The following FGF12 variants were observed in gnomAD, a reference collection of about 807,000 sequenced individuals.
FGF12 encodes fibroblast growth factor 12.
FGF12 carries 14 observed loss-of-function variants against 23.6 expected under a neutral mutation model. The ratio of observed to expected loss-of-function variants is 0.59; its 90% CI spans 0.39 to 0.93. The LOEUF (loss-of-function observed/expected upper bound fraction) is 0.93, where lower values mean the gene tolerates loss of function less well. Among genes scored for constraint, FGF12 ranks in the 40% least tolerant of loss-of-function variants. FGF12 has a pLI of 0.00. For synonymous variants in FGF12, 62 were observed against 77.3 expected (o/e 0.80, Z 1.04); for missense variants, 175 against 217.8 (o/e 0.80, Z 1.24).
intron 2 of FGF12, among the ~76,000 whole-genome samples, chr3:192,446,893 G>A (rs976035450): frequency 2.0e-5 from 3 of 152,016 alleles, no homozygotes; most frequent in Non-Finnish European, 2.9e-5. Context: ...CTAATCCTTC[G>A]TTCTCACTCC....
At chr3:192,529,605 C>T (rs1397179888) in intron 2 of FGF12, among the ~76,000 whole-genome samples, 1 of 152,092 alleles carries the variant, frequency 6.6e-6, no homozygotes, top group Non-Finnish European at 1.5e-5. Context: ...TTTTATGCTG[C>T]TGATAAAGAC....
chr3:192,540,281 TA>T (rs1258782801), intron 2 of FGF12, among the ~76,000 whole-genome samples: 1 of 152,124 alleles, frequency 6.6e-6, no homozygotes, highest in East Asian at 1.9e-4. Context: ...ATTATAGCTA[TA>T]AGCTTTTCTC....
chr3:192,511,415 C>T (rs972016238), intron 2 of FGF12, among the ~76,000 whole-genome samples: 2 of 152,144 alleles, frequency 1.3e-5, no homozygotes, highest in Admixed American at 1.3e-4. Flanking sequence ...GATGAGGAAC[C>T]TGCAATTTTA....
chr3:192,673,510 C>T (rs948377213), intron 2 of FGF12, among the ~76,000 whole-genome samples: 1 of 150,816 alleles, frequency 6.6e-6, no homozygotes, highest in Non-Finnish European at 1.5e-5. Flanking sequence ...GCCCCCCATG[C>T]ATTAGCCATT....
intron 4 of FGF12, among the ~76,000 whole-genome samples, chr3:192,255,318 G>A (rs1229149723): frequency 2.0e-5 from 3 of 151,920 alleles, no homozygotes; most frequent in East Asian, 3.9e-4. Context: ...CATTACAATC[G>A]TTCTAACAAA....
At position 192,702,268 on chromosome 3, in the gene FGF12, A is replaced by G. The variant is rs1381769254; in HGVS notation, c.13+24913T>C. Among the ~76,000 whole-genome samples the G allele has an allele frequency of 2.0e-5, 3 of 152,240 alleles. No homozygotes were observed. In the East Asian group the frequency reaches 5.8e-4, roughly 29 times the overall value. On this transcript the variant is annotated intron_variant, in intron 2 of 5. Coordinates refer to ENST00000445105, the MANE Select transcript of FGF12 (RefSeq NM_004113.6). Reference sequence around the variant, plus strand: ...AGTTTCTTCATCCATTTACCTTTCTATGGACACTTAGGTTGTTTCCATATC... The same window carrying G: ...AGTTTCTTCATCCATTTACCTTTCTGTGGACACTTAGGTTGTTTCCATATC...
intron 4 of FGF12, among the ~76,000 whole-genome samples, chr3:192,232,693 CCCT>C (rs1182401036): frequency 6.6e-6 from 1 of 151,994 alleles, no homozygotes. Context: ...TTGACTCTCG[CCCT>C]CCTCCTACCC....
intron 2 of FGF12, among the ~76,000 whole-genome samples, chr3:192,601,472 G>C (rs571429958): frequency 6.6e-6 from 1 of 152,198 alleles, no homozygotes; most frequent in East Asian, 1.9e-4. Context: ...ATAAATGTTT[G>C]AGATAATGGA....
intron 4 of FGF12, among the ~76,000 whole-genome samples, chr3:192,189,152 C>T (rs1716647475): frequency 6.6e-6 from 1 of 152,206 alleles, no homozygotes; most frequent in African/African-American, 2.4e-5. Context: ...TTCATGGTAT[C>T]TCCAGTCCTG....
chr3:192,456,598 C>T (rs530419169), intron 2 of FGF12, among the ~76,000 whole-genome samples: 5 of 152,030 alleles, frequency 3.3e-5, no homozygotes, highest in Admixed American at 6.6e-5. Flanking sequence ...ACTCCTAATA[C>T]GTATCCACAA....
chr3:192,415,904 T>C (rs1374628163), intron 2 of FGF12, among the ~76,000 whole-genome samples: 3 of 152,056 alleles, frequency 2.0e-5, no homozygotes, highest in African/African-American at 7.2e-5. Flanking sequence ...TTAATAATCT[T>C]CACATTCATA....
At position 192,170,583 on chromosome 3, in the gene FGF12, A is replaced by T; in HGVS notation, c.302T>A (p.Leu101Gln). 1 of 1,614,034 alleles carries T rather than the reference A, an allele frequency of 6.2e-7. No individual in the cohort carries two copies. Among genetic ancestry groups the T allele is most frequent in the Non-Finnish European group, 8.5e-7 (1 of 1,179,972 alleles). The change falls in exon 5 of 6, where the codon CTG becomes CAG. Residue 101 changes from leucine (L) to glutamine (Q), a missense_variant. Leu to Gln is a moderately radical substitution (Grantham distance 113). Coordinates refer to ENST00000445105, the MANE Select transcript of FGF12 (RefSeq NM_004113.6). ...ENYYVIYSST[L>Q]YRQQESGRAW... The stretch of plus-strand genomic sequence containing the variant: ...TCGGCCTGATTCTTGCTGGCGGTAC[A>T]GTGTGGAAGAATAGATCACATAGTA...
chr3:192,450,223 T>C (rs1199614243), intron 2 of FGF12, among the ~76,000 whole-genome samples: 2 of 152,122 alleles, frequency 1.3e-5, no homozygotes. Flanking sequence ...ACACCTAATA[T>C]AATAAAATAA....
In FGF12 at chr3:192,658,042, C is replaced by T. The variant is rs539214185; in HGVS notation, c.13+69139G>A. 1.2e-3 allele frequency among the ~76,000 whole-genome samples: 180 copies of T among 151,656 alleles called. 1 individual carries two copies. The highest frequency in any genetic ancestry group is 1.6e-3 in the Non-Finnish European group (110 of 67,934). ...AGAAAGGACCTTTATCAGCACTTTG[C>T]AATTGCAGATAAAAAACAGTACACT... On this transcript the variant is annotated intron_variant, in intron 2 of 5. Coordinates refer to ENST00000445105, the MANE Select transcript of FGF12 (RefSeq NM_004113.6).
intron 2 of FGF12, among the ~76,000 whole-genome samples, chr3:192,552,015 T>G (rs767605908): frequency 6.6e-6 from 1 of 151,964 alleles, no homozygotes; most frequent in Non-Finnish European, 1.5e-5. Context: ...AGATATAAAC[T>G]TAAAGAAAAA....
At chr3:192,376,423 C>T (rs1213946404) in intron 2 of FGF12, among the ~76,000 whole-genome samples, 3 of 151,922 alleles carry the variant, frequency 2.0e-5, no homozygotes, top group Admixed American at 6.6e-5. Context: ...AGTGCAATGG[C>T]GTGATCTTGG....
intron 2 of FGF12, among the ~76,000 whole-genome samples, chr3:192,696,382 G>C (rs1206044886): frequency 6.6e-6 from 1 of 152,152 alleles, no homozygotes; most frequent in Non-Finnish European, 1.5e-5. Context: ...AATGGCTGCA[G>C]AGCTTTTCAG....
chr3:192,261,035 G>T (rs77828923), intron 4 of FGF12, among the ~76,000 whole-genome samples: 1 of 152,022 alleles, frequency 6.6e-6, no homozygotes, highest in Non-Finnish European at 1.5e-5. Flanking sequence ...GGGGTACAGG[G>T]GTAAAGGAAC....
intron 5 of FGF12, among the ~76,000 whole-genome samples, chr3:192,170,076 T>C (rs1395557518): frequency 1.4e-5 from 2 of 147,462 alleles, no homozygotes; most frequent in African/African-American, 5.1e-5. Flanking sequence ...TTTCAAAATT[T>C]TTCCGGCTTC....
Sources: gnomAD v4.1 joint callset for allele counts (sites outside exome capture counted in the v4.1 genomes callset) on GRCh38, gnomAD v4.1.1 for gene constraint, MANE v1.5 for transcripts, NCBI Gene and HGNC (gene_info 2026-07-23, HGNC 2026-07-21) for gene names.